The following RUFY2 variants were observed in gnomAD, a reference collection of about 807,000 sequenced individuals.
RUFY2 encodes RUN and FYVE domain containing 2, also known as RUN and FYVE domain-containing protein 2.
Under a neutral mutation model 94.4 loss-of-function variants are expected in RUFY2, and 49 were observed. That is an observed-to-expected ratio of 0.52 (90% CI 0.41 to 0.66). RUFY2 has a LOEUF of 0.66. Ranked by LOEUF, RUFY2 falls within the 30% of genes least tolerant of loss-of-function variation. The probability of loss-of-function intolerance (pLI) is 0.00; values close to 1 mark genes in which losing one functional copy is unlikely to be tolerated. For missense variants in RUFY2, 541 were observed against 692.8 expected (o/e 0.78, Z 2.46); for synonymous variants, 255 against 235.7 (o/e 1.08, Z -0.75).
At chr10:68,341,137 T>C, downstream of RUFY2, 1 of 1,420,050 alleles carries the variant, frequency 7.0e-7, no homozygotes, top group South Asian at 1.3e-5. Context: ...TTTAATATTC[T>C]CAATAGAAAA....
chr10:68,360,764 AATC>A (rs543668974), intron 15 of RUFY2, among the ~76,000 whole-genome samples: 27 of 151,840 alleles, frequency 1.8e-4, no homozygotes, highest in African/African-American at 6.0e-4. Context: ...CGATAATAAT[AATC>A]ATCATCATCT....
chr10:68,379,492 AT>A lies in RUFY2; in HGVS notation c.1136del (p.Asn379MetfsTer3). ...QGSEDGLKEK[N>X]EIIARLEEKT... ...TTTCTTCTAGTCGGGCAATTATTTC[AT>A]TTTTTTCTTTCAAGCCATCTTCAGA... is the stretch of plus-strand genomic sequence containing the variant. On this transcript the variant is annotated frameshift_variant, in exon 12 of 18. Coordinates refer to ENST00000602465, the MANE Select transcript of RUFY2 (RefSeq NM_001330103.2). LOFTEE classifies it high-confidence loss of function. 1 of 1,612,066 alleles carries A rather than the reference AT, an allele frequency of 6.2e-7. No homozygotes were observed. Among genetic ancestry groups the A allele is most frequent in the Non-Finnish European group, 8.5e-7 (1 of 1,179,352 alleles).
At chr10:68,394,278 C>G (rs1482924329) in intron 5 of RUFY2, 50 bp downstream of exon 5, 9 of 1,611,394 alleles carry the variant, frequency 5.6e-6, no homozygotes, top group Non-Finnish European at 7.6e-6. Context: ...CAAGGAGGAA[C>G]TGTGCAAACT....
At chr10:68,372,188 T>C (rs1240604192) in intron 13 of RUFY2, among the ~76,000 whole-genome samples, 4 of 151,920 alleles carry the variant, frequency 2.6e-5, no homozygotes, top group Non-Finnish European at 5.9e-5. Flanking sequence ...GCAGGAGAAC[T>C]GCTTGAGGCC....
intron 1 of RUFY2, 31 bp from the exon 2 acceptor site, chr10:68,404,875 T>C (rs1028057067): frequency 1.3e-6 from 2 of 1,511,982 alleles, no homozygotes; most frequent in Non-Finnish European, 1.8e-6. Context: ...TCCAACATCA[T>C]TTGTAAGACA....
rs1410459423 is a variant in RUFY2 at position 68,406,844 on chromosome 10, C to A, written c.4+342G>T. ...TGAGATGCGTCTTCCCTCCGCCACC[C>A]CCAAACCTGAAAAGTCATCGCCCCT... On this transcript the variant is annotated intron_variant, in intron 1 of 17. Coordinates refer to ENST00000602465, the MANE Select transcript of RUFY2 (RefSeq NM_001330103.2). 3 of 1,612,478 alleles carry A rather than the reference C, an allele frequency of 1.9e-6. No individual in the cohort carries two copies. The Admixed American group carries it at 5.0e-5, about 27-fold the overall frequency.
chr10:68,354,656 C>A (rs2046920331), intron 16 of RUFY2, among the ~76,000 whole-genome samples: 1 of 152,114 alleles, frequency 6.6e-6, no homozygotes, highest in South Asian at 2.1e-4. Context: ...CAGAGCAACC[C>A]TACGCAGAAT....
rs1235098742 is a variant in RUFY2 at position 68,366,759 on chromosome 10, T to TATATATATATATATATATAA, written c.1326-2647_1326-2646insTTATATATATATATATATAT. 4.7e-3 allele frequency among the ~76,000 whole-genome samples: 618 copies of TATATATATATATATATATAA among 131,738 alleles called. 25 individuals are homozygous for TATATATATATATATATATAA. Among genetic ancestry groups the TATATATATATATATATATAA allele is most frequent in the South Asian group, 0.027 (112 of 4,082 alleles). 86.4% of individuals were successfully genotyped at this position (131,738 alleles called of 152,430 possible). On this transcript the variant is annotated intron_variant, in intron 13 of 17. Coordinates refer to ENST00000602465, the MANE Select transcript of RUFY2 (RefSeq NM_001330103.2). ...TCTAAAATATATATATATATATATA[T>TATATATATATATATATATAA]AATATTAAATATATTAAATAAATAA...
chr10:68,397,850 C>T (rs891612679), intron 3 of RUFY2, among the ~76,000 whole-genome samples: 17 of 151,834 alleles, frequency 1.1e-4, no homozygotes, highest in Non-Finnish European at 1.3e-4. Flanking sequence ...TTCACCAGGC[C>T]GGGCCCAGTG....
chr10:68,359,768 A>C (rs1192275215), intron 15 of RUFY2, among the ~76,000 whole-genome samples: 1 of 150,600 alleles, frequency 6.6e-6, no homozygotes, highest in Non-Finnish European at 1.5e-5. Context: ...GTCCAGCCTA[A>C]GCAACAGAAC....
intron 7 of RUFY2, among the ~76,000 whole-genome samples, chr10:68,392,016 ATTTC>A (rs746052584): frequency 4.0e-5 from 6 of 150,154 alleles, no homozygotes; most frequent in African/African-American, 1.2e-4. Context: ...CATCTCATAT[ATTTC>A]TTTCTTTTCT....
At chr10:68,353,448 G>A (rs907131331) in intron 16 of RUFY2, among the ~76,000 whole-genome samples, 39 of 151,744 alleles carry the variant, frequency 2.6e-4, no homozygotes, top group African/African-American at 8.7e-4. Context: ...AGTGAGCCGA[G>A]ATCATGCCAT....
chr10:68,350,555 A>T (rs2046590840), intron 16 of RUFY2, among the ~76,000 whole-genome samples: 2 of 152,242 alleles, frequency 1.3e-5, no homozygotes, highest in South Asian at 2.1e-4. Context: ...GACAGATGTG[A>T]GTAATAAGTA....
chr10:68,359,554 AAAATATATATAGTAGTACTACTATATAT>A (rs1438591252), intron 15 of RUFY2, among the ~76,000 whole-genome samples: 1 of 145,280 alleles, frequency 6.9e-6, no homozygotes, highest in African/African-American at 2.5e-5. Context: ...ACTATATATA[AAAATATATATAGTAGTACTACTATATAT>A]AAATATACAT....
At chr10:68,341,547 TC>T (rs1012743635), downstream of RUFY2, 4 of 1,369,880 alleles carry the variant, frequency 2.9e-6, no homozygotes, top group Non-Finnish European at 4.1e-6. Flanking sequence ...TATCCATCAT[TC>T]CTTTCTCCCC....
chr10:68,399,397 T>A (rs1222454871), intron 3 of RUFY2, among the ~76,000 whole-genome samples: 3 of 152,194 alleles, frequency 2.0e-5, no homozygotes, highest in Non-Finnish European at 4.4e-5. Context: ...TGCCACTTTT[T>A]AACTATAATT....
chr10:68,375,271 C>A (rs780912523), intron 13 of RUFY2, among the ~76,000 whole-genome samples: 1 of 125,848 alleles, frequency 7.9e-6, no homozygotes. Context: ...TAAGAACTTA[C>A]GAACACAGAG....
intron 13 of RUFY2, among the ~76,000 whole-genome samples, chr10:68,371,992 T>G (rs1246730658): frequency 6.6e-6 from 1 of 152,124 alleles, no homozygotes; most frequent in Non-Finnish European, 1.5e-5. Context: ...AGACCTACCC[T>G]AAAAGAATGG....
rs955640417 is a variant in RUFY2 at position 68,363,619 on chromosome 10, A to G, written c.1521T>C (p.Ala507=). ...LKKIYHEQEQ[A]LQELGNKLSE... is the part of the protein sequence containing the mutation. Reference sequence around the variant, plus strand: ...TAAGCTTGTTGCCGAGTTCTTGAAGAGCTTGCTCTTGTTCATGATATATTT... The same window carrying G: ...TAAGCTTGTTGCCGAGTTCTTGAAGGGCTTGCTCTTGTTCATGATATATTT... Residue 507 remains alanine (A), a synonymous_variant, in exon 15 of 18, where the codon GCT becomes GCC. Coordinates refer to ENST00000602465, the MANE Select transcript of RUFY2 (RefSeq NM_001330103.2). 3 of 1,608,268 alleles carry G rather than the reference A, an allele frequency of 1.9e-6. No homozygotes were observed. The highest frequency in any genetic ancestry group is 1.7e-5 in the Admixed American group (1 of 58,952).
Sources: allele counts gnomAD v4.1 joint callset (sites outside exome capture counted in the v4.1 genomes callset), GRCh38; gene constraint gnomAD v4.1.1; transcripts MANE v1.5; gene names NCBI Gene and HGNC (gene_info 2026-07-23, HGNC 2026-07-21).